Variants in TCP11L2 observed in about 807,000 individuals in gnomAD.
TCP11L2 encodes the protein t-complex 11 like 2, also known as T-complex protein 11-like protein 2.
In TCP11L2, 39 loss-of-function variants were observed where a neutral mutation model predicts 50.7. That is an observed-to-expected ratio of 0.77 (90% CI 0.60 to 1.01). The LOEUF is 1.01. TCP11L2 is among the 50% of genes least tolerant of loss of function. The probability of loss-of-function intolerance (pLI) is 0.00; values close to 1 mark genes in which losing one functional copy is unlikely to be tolerated. For synonymous variants in TCP11L2, 192 were observed against 219.3 expected (o/e 0.88, Z 1.10); for missense variants, 612 against 614.7 (o/e 1.00, Z 0.05).
chr12:106,300,117 C>T (rs1374535473), upstream of TCP11L2, among the ~76,000 whole-genome samples: 1 of 150,706 alleles, frequency 6.6e-6, no homozygotes, highest in African/African-American at 2.4e-5. Context: ...ATGTCTTCTT[C>T]AAATAAAATG....
chr12:106,334,237 A>G (rs2035836639), intron 6 of TCP11L2, among the ~76,000 whole-genome samples: 4 of 152,164 alleles, frequency 2.6e-5, no homozygotes, highest in African/African-American at 9.7e-5. Context: ...AGATGTCTGT[A>G]TTACAGAGAT....
intron 1 of TCP11L2, chr12:106,303,890 G>A (rs2034522449): frequency 6.6e-6 from 1 of 152,226 alleles, no homozygotes; most frequent in South Asian, 2.1e-4. Flanking sequence ...TTAAGTTTGG[G>A]AAATCTTAGA....
chr12:106,327,319 A>G (rs894403813), intron 6 of TCP11L2, among the ~76,000 whole-genome samples: 3 of 152,072 alleles, frequency 2.0e-5, no homozygotes, highest in African/African-American at 7.2e-5. Flanking sequence ...TCAGCTTCCC[A>G]AGTAGCTAGG....
In TCP11L2 at chr12:106,336,166, C is replaced by G. The variant is rs200060403; in HGVS notation, c.1095C>G (p.Ser365Arg). 3.7e-5 allele frequency: 60 copies of G among 1,613,346 alleles called. 1 individual carries two copies. In the Admixed American group the frequency reaches 7.0e-4, roughly 19 times the overall value. Reference protein sequence around the residue: ...AITGGLPELASRLTRISAVLL... With the variant: ...AITGGLPELARRLTRISAVLL... ...CAGGAGGCCTGCCTGAGCTTGCAAG[C>G]AGGTTAACAAGGATTTCAGCTGTTC... The change falls in exon 8 of 10, where the codon AGC (serine) becomes AGG (arginine). Residue 365 changes from serine (S) to arginine (R), a missense_variant. Transcript: ENST00000299045.
chr12:106,325,216 C>T (rs1419354268), intron 6 of TCP11L2: 4 of 152,180 alleles, frequency 2.6e-5, no homozygotes, highest in Admixed American at 2.6e-4. Context: ...TAGGAGCTCA[C>T]CTAGGAAGGC....
intron 6 of TCP11L2, among the ~76,000 whole-genome samples, chr12:106,328,874 C>T (rs929509504): frequency 2.0e-5 from 3 of 152,126 alleles, no homozygotes; most frequent in African/African-American, 4.8e-5. Flanking sequence ...GGGCTGTAAA[C>T]GTAGGCCATC....
At chr12:106,344,330 G>A (rs2036172107) in intron 9 of TCP11L2, among the ~76,000 whole-genome samples, 1 of 152,082 alleles carries the variant, frequency 6.6e-6, no homozygotes, top group Non-Finnish European at 1.5e-5. Context: ...TCACATGACA[G>A]ACCAAGAATA....
chr12:106,315,509 GC>G (rs1158320045), intron 3 of TCP11L2, among the ~76,000 whole-genome samples: 1 of 152,186 alleles, frequency 6.6e-6, no homozygotes, highest in Non-Finnish European at 1.5e-5. Context: ...ATTGTTTGTT[GC>G]TGTATCCCTA....
intron 6 of TCP11L2, chr12:106,329,708 G>A (rs761162249): frequency 3.7e-6 from 4 of 1,095,684 alleles, no homozygotes; most frequent in Non-Finnish European, 4.4e-6. Context: ...GCTCTTAAAT[G>A]TGTCAGCTGT....
intron 1 of TCP11L2, chr12:106,307,449 G>A (rs1260746638): frequency 6.6e-6 from 1 of 152,228 alleles, no homozygotes; most frequent in East Asian, 1.9e-4. Context: ...GTAGATCTAA[G>A]TTTGCATAAG....
chr12:106,314,333 T>C (rs754358027), intron 2 of TCP11L2, 25 bp from the exon 3 acceptor site: 1 of 1,591,948 alleles, frequency 6.3e-7, no homozygotes. Context: ...TCTGCAACAT[T>C]AACTGGCTTT....
chr12:106,303,209 C>A (rs984719553), intron 1 of TCP11L2: 1 of 152,252 alleles, frequency 6.6e-6, no homozygotes, highest in Non-Finnish European at 1.5e-5. Context: ...ACACGGACTT[C>A]GGGCCTCGGA....
chr12:106,308,629 T>TG (rs1491397174), intron 1 of TCP11L2, among the ~76,000 whole-genome samples: 1 of 152,096 alleles, frequency 6.6e-6, no homozygotes, highest in African/African-American at 2.4e-5. Context: ...GGGGAATAAC[T>TG]GGGGGAAAAA....
chr12:106,346,251 A>G, intron 9 of TCP11L2, 35 bp from the exon 10 acceptor site: 1 of 1,568,504 alleles, frequency 6.4e-7, no homozygotes, highest in Non-Finnish European at 8.6e-7. Flanking sequence ...TACTTTAATA[A>G]TGGACAGATA....
intron 1 of TCP11L2, among the ~76,000 whole-genome samples, chr12:106,305,350 T>G (rs1304013016): frequency 6.6e-6 from 1 of 152,210 alleles, no homozygotes; most frequent in Non-Finnish European, 1.5e-5. Flanking sequence ...TTGTTGTTAT[T>G]TGCTACACGT....
intron 2 of TCP11L2, among the ~76,000 whole-genome samples, chr12:106,313,960 G>A (rs1283782332): frequency 6.6e-6 from 1 of 151,938 alleles, no homozygotes; most frequent in African/African-American, 2.4e-5. Flanking sequence ...TAGAGACGGG[G>A]TTTCACCGTG....
chr12:106,314,560 TGTGTGTGTGTGTGTGTGAGAGAGAGA>T, intron 3 of TCP11L2, 67 bp downstream of exon 3: 1 of 945,076 alleles, frequency 1.1e-6, no homozygotes, highest in Admixed American at 2.2e-5. Context: ...TGTGTGTGTG[TGTGTGTGTGTGTGTGTGAGAGAGAGA>T]GAGAGAGAGA....
At chr12:106,314,769 G>A (rs2035015377) in intron 3 of TCP11L2, among the ~76,000 whole-genome samples, 1 of 152,032 alleles carries the variant, frequency 6.6e-6, no homozygotes, top group African/African-American at 2.4e-5. Flanking sequence ...GGAGGTGGAG[G>A]CGGGAGGATT....
intron 6 of TCP11L2, among the ~76,000 whole-genome samples, chr12:106,332,035 C>G (rs1372841060): frequency 6.6e-6 from 1 of 152,134 alleles, no homozygotes; most frequent in Non-Finnish European, 1.5e-5. Context: ...ACTTGCCTGC[C>G]TAATTATACT....
Sources: allele counts gnomAD v4.1 joint callset (sites outside exome capture counted in the v4.1 genomes callset), GRCh38; gene constraint gnomAD v4.1.1; transcripts MANE v1.5; gene names NCBI Gene and HGNC (gene_info 2026-07-23, HGNC 2026-07-21).